Variants in GALNTL6 observed in about 807,000 individuals in gnomAD.
The protein encoded by GALNTL6 is polypeptide N-acetylgalactosaminyltransferase-like 6.
A neutral mutation model predicts 73.7 loss-of-function variants in GALNTL6; 46 were observed. That is an observed-to-expected ratio of 0.62 (90% CI 0.49 to 0.80). The LOEUF (loss-of-function observed/expected upper bound fraction) is 0.80. Ranked by LOEUF, GALNTL6 falls within the 30% of genes least tolerant of loss-of-function variation. The pLI, the probability that GALNTL6 is intolerant of heterozygous loss-of-function variation, is 0.00. For synonymous variants in GALNTL6, 259 were observed against 263.7 expected, an observed-to-expected ratio of 0.98 and a Z score of 0.17; for missense variants, 604 against 755.0, an observed-to-expected ratio of 0.80 and a Z score of 2.34.
intron 2 of GALNTL6, among the ~76,000 whole-genome samples, chr4:172,206,785 TTGTTTTG>T: frequency 1.8e-5 from 1 of 55,964 alleles, no homozygotes; most frequent in African/African-American, 3.8e-5. Context: ...GTTTTTTGTT[TTGTTTTG>T]TTTTGTTTTT....
At chr4:173,029,214 A>T (rs1579802500) in intron 12 of GALNTL6, among the ~76,000 whole-genome samples, 1 of 152,232 alleles carries the variant, frequency 6.6e-6, no homozygotes, top group South Asian at 2.1e-4. Context: ...AATCCTGGAC[A>T]TGTGGTCAGA....
At chr4:173,002,130 G>T (rs199994825) in intron 10 of GALNTL6, among the ~76,000 whole-genome samples, 1 of 152,154 alleles carries the variant, frequency 6.6e-6, no homozygotes, top group African/African-American at 2.4e-5. Context: ...AGTGGCTCAC[G>T]CCTGTAATCC....
chr4:172,891,782 TA>T (rs1746045541), intron 8 of GALNTL6, among the ~76,000 whole-genome samples: 1 of 152,344 alleles, frequency 6.6e-6, no homozygotes, highest in African/African-American at 2.4e-5. Context: ...CAAGGAGTCA[TA>T]GGCTTTGTCT....
chr4:172,212,605 T>C (rs1213015405), intron 2 of GALNTL6, among the ~76,000 whole-genome samples: 1 of 152,192 alleles, frequency 6.6e-6, no homozygotes, highest in Non-Finnish European at 1.5e-5. Context: ...TACCTGTGCT[T>C]TACATATTCA....
intron 3 of GALNTL6, among the ~76,000 whole-genome samples, chr4:172,268,772 A>G (rs944875119): frequency 1.1e-4 from 16 of 152,182 alleles, no homozygotes; most frequent in African/African-American, 3.6e-4. Context: ...AAAGGAAGAA[A>G]CAGGAGCTCA....
chr4:172,482,857 G>A (rs1733538971), intron 5 of GALNTL6, among the ~76,000 whole-genome samples: 1 of 151,946 alleles, frequency 6.6e-6, no homozygotes. Context: ...GTAAAAACCT[G>A]GCAAATACTT....
intron 3 of GALNTL6, among the ~76,000 whole-genome samples, chr4:172,245,708 G>C (rs989258544): frequency 6.6e-6 from 1 of 152,080 alleles, no homozygotes; most frequent in Non-Finnish European, 1.5e-5. Context: ...CCAAGATCTG[G>C]CACAAATTTG....
intron 5 of GALNTL6, among the ~76,000 whole-genome samples, chr4:172,454,316 A>C (rs1732315061): frequency 6.6e-6 from 1 of 152,224 alleles, no homozygotes; most frequent in Admixed American, 6.5e-5. Flanking sequence ...CATCAGCTTC[A>C]GTCCCGTTGA....
At chr4:172,286,881 T>C (rs183208621) in intron 3 of GALNTL6, among the ~76,000 whole-genome samples, 3 of 152,276 alleles carry the variant, frequency 2.0e-5, no homozygotes, top group Admixed American at 2.0e-4. Context: ...TTTATGAAAA[T>C]ACATTACAGT....
intron 5 of GALNTL6, among the ~76,000 whole-genome samples, chr4:172,452,891 T>A (rs531145591): frequency 5.9e-5 from 9 of 152,250 alleles, no homozygotes; most frequent in African/African-American, 1.7e-4. Flanking sequence ...TTCCCAGAAA[T>A]TAAATGATTA....
intron 5 of GALNTL6, among the ~76,000 whole-genome samples, chr4:172,389,811 C>A (rs1465187327): frequency 6.6e-6 from 1 of 151,974 alleles, no homozygotes; most frequent in African/African-American, 2.4e-5. Context: ...TGTAATATAT[C>A]GAATTAGTTG....
chr4:171,886,382 A>G (rs1392220950), intron 2 of GALNTL6, among the ~76,000 whole-genome samples: 1 of 152,206 alleles, frequency 6.6e-6, no homozygotes, highest in African/African-American at 2.4e-5. Context: ...TAAATTTGAC[A>G]TTTTGTAAAA....
intron 2 of GALNTL6, among the ~76,000 whole-genome samples, chr4:172,156,547 A>ATACAC (rs1560945614): frequency 8.8e-6 from 1 of 113,776 alleles, no homozygotes; most frequent in Non-Finnish European, 1.7e-5. Flanking sequence ...TATAATATAT[A>ATACAC]TATATATATA....
At chr4:171,974,497 A>G (rs1054177365) in intron 2 of GALNTL6, among the ~76,000 whole-genome samples, 22 of 152,210 alleles carry the variant, frequency 1.4e-4, no homozygotes, top group African/African-American at 5.3e-4. Flanking sequence ...AGAAAAATAC[A>G]TTTCCAACTA....
chr4:172,528,316 T>TAAAA (rs1220568227), intron 5 of GALNTL6, among the ~76,000 whole-genome samples: 2 of 106,726 alleles, frequency 1.9e-5, no homozygotes, highest in African/African-American at 9.1e-5. Flanking sequence ...TTGCTAGAAA[T>TAAAA]AAAATATATA....
chr4:172,803,983 T>C (rs1055027571), intron 5 of GALNTL6, among the ~76,000 whole-genome samples: 1 of 152,218 alleles, frequency 6.6e-6, no homozygotes, highest in Admixed American at 6.5e-5. Flanking sequence ...CACGAAGAGA[T>C]TGACAATTTT....
At chr4:172,583,541 A>G (rs561109959) in intron 5 of GALNTL6, among the ~76,000 whole-genome samples, 1 of 152,320 alleles carries the variant, frequency 6.6e-6, no homozygotes, top group South Asian at 2.1e-4. Context: ...ATTTGAAATC[A>G]TAACTCTTTC....
rs908889944 is a variant in GALNTL6 at position 173,041,291 on chromosome 4, A to G, written c.*1191A>G. On this transcript the variant is annotated 3_prime_UTR_variant, in exon 13 of 13. Transcript: ENST00000506823. ...CCATTAATAAAGTGTTTCTGACACC[A>G]TTTTCTGTTAATGGGACAATATTTC... 6.6e-6 allele frequency: 1 copy of G among 151,670 alleles called. No individual in the cohort carries two copies. The highest frequency in any genetic ancestry group is 2.4e-5 in the African/African-American group (1 of 41,316). The allele number at this position is 151,670 out of a possible 1,614,324, so 9.4% of individuals were successfully genotyped here.
intron 2 of GALNTL6, among the ~76,000 whole-genome samples, chr4:172,170,321 A>T (rs574511041): frequency 6.6e-6 from 1 of 152,180 alleles, no homozygotes; most frequent in South Asian, 2.1e-4. Flanking sequence ...TGATGGCTTT[A>T]TAAGTTTTTA....
Sources: gnomAD v4.1 joint callset for allele counts (sites outside exome capture counted in the v4.1 genomes callset) on GRCh38, gnomAD v4.1.1 for gene constraint, MANE v1.5 for transcripts, NCBI Gene and HGNC (gene_info 2026-07-23, HGNC 2026-07-21) for gene names.